Variants in ANK2 observed in about 807,000 individuals in gnomAD.
ANK2 encodes the protein ankyrin-2.
A neutral mutation model predicts 360.5 loss-of-function variants in ANK2; 83 were observed. That is an observed-to-expected ratio of 0.23 (90% CI 0.19 to 0.28). The LOEUF (loss-of-function observed/expected upper bound fraction) is 0.28, where lower values mean the gene tolerates loss of function less well. ANK2 is among the 10% of genes least tolerant of loss of function. The pLI, the probability that ANK2 is intolerant of heterozygous loss-of-function variation, is 1.00. For synonymous variants in ANK2, 1,740 were observed against 1,759.5 expected, an observed-to-expected ratio of 0.99 and a Z score of 0.28; for missense variants, 4,201 against 4,795.7, an observed-to-expected ratio of 0.88 and a Z score of 3.66.
chr4:113,063,114 A>G (rs967928076), intron 1 of ANK2, among the ~76,000 whole-genome samples: 3 of 152,110 alleles, frequency 2.0e-5, no homozygotes, highest in African/African-American at 7.2e-5. Context: ...AAAGATATCC[A>G]GTAGAATATA....
intron 1 of ANK2, among the ~76,000 whole-genome samples, chr4:113,144,563 T>C (rs2096758127): frequency 6.6e-6 from 1 of 151,820 alleles, no homozygotes; most frequent in South Asian, 2.1e-4. Flanking sequence ...TCCAATTCAA[T>C]ACTTTTTTTA....
the ANK2 span, among the ~76,000 whole-genome samples, chr4:112,715,001 A>T: frequency 3.9e-5 from 6 of 152,332 alleles, no homozygotes; most frequent in Admixed American, 3.9e-4. Context: ...TGTTTTGCTC[A>T]TTAATCTGCA....
chr4:112,720,981 A>C, the ANK2 span, among the ~76,000 whole-genome samples: 1 of 152,128 alleles, frequency 6.6e-6, no homozygotes, highest in African/African-American at 2.4e-5. Context: ...ATTTAGGAAA[A>C]TCCTCCACTC....
intron 2 of ANK2, among the ~76,000 whole-genome samples, chr4:113,191,359 A>G (rs1004963637): frequency 6.6e-6 from 1 of 152,178 alleles, no homozygotes; most frequent in Non-Finnish European, 1.5e-5. Flanking sequence ...AAATTAAATG[A>G]ATAAATAAAT....
At chr4:113,121,246 CACA>C (rs2095332123) in intron 1 of ANK2, among the ~76,000 whole-genome samples, 1 of 152,116 alleles carries the variant, frequency 6.6e-6, no homozygotes, top group African/African-American at 2.4e-5. Context: ...TGCTTAATCA[CACA>C]CAAGTAGCAT....
intron 1 of ANK2, chr4:113,160,340 A>G (rs1385123537): frequency 2.4e-6 from 1 of 418,982 alleles, no homozygotes; most frequent in Non-Finnish European, 4.7e-6. Context: ...TGCTAGGATT[A>G]CAGGCATGAG....
intron 41 of ANK2, 150 bp downstream of exon 41, chr4:113,365,332 C>T: frequency 1.2e-6 from 1 of 843,054 alleles, no homozygotes. Context: ...CTTTTCCTTG[C>T]TACCCTGAGG....
At chr4:112,925,470 A>G (rs2092410684) in intron 2 of ANK2, among the ~76,000 whole-genome samples, 1 of 152,200 alleles carries the variant, frequency 6.6e-6, no homozygotes. Flanking sequence ...TATCTGCATA[A>G]CGTAGATCCT....
At chr4:112,849,173 A>G (rs558433899) in intron 1 of ANK2, among the ~76,000 whole-genome samples, 24 of 152,348 alleles carry the variant, frequency 1.6e-4, no homozygotes, top group African/African-American at 5.8e-4. Flanking sequence ...TTCAGAGTTG[A>G]CAACATAATC....
At chr4:113,351,698 A>G (rs34846498) in intron 37 of ANK2, among the ~76,000 whole-genome samples, 11,462 of 151,912 alleles carry the variant, frequency 0.075, 610 homozygotes, top group Middle Eastern at 0.17. Flanking sequence ...AAATTAATTC[A>G]TCCATATGGC....
intron 2 of ANK2, among the ~76,000 whole-genome samples, chr4:112,936,180 A>G (rs1381452091): frequency 6.6e-6 from 1 of 152,212 alleles, no homozygotes; most frequent in African/African-American, 2.4e-5. Flanking sequence ...ATGTTAATTG[A>G]AAGTTTGTAA....
intron 1 of ANK2, among the ~76,000 whole-genome samples, chr4:113,126,354 A>G (rs2095658759): frequency 6.6e-6 from 1 of 152,212 alleles, no homozygotes; most frequent in Non-Finnish European, 1.5e-5. Flanking sequence ...TAGTGAAAAT[A>G]AATCTCCTGA....
At chr4:113,126,795 A>G (rs2095688678) in intron 1 of ANK2, among the ~76,000 whole-genome samples, 1 of 152,228 alleles carries the variant, frequency 6.6e-6, no homozygotes, top group African/African-American at 2.4e-5. Flanking sequence ...AACACAAGGG[A>G]CAATATTTTA....
chr4:112,792,910 A>G, the ANK2 span, among the ~76,000 whole-genome samples: 1 of 152,188 alleles, frequency 6.6e-6, no homozygotes, highest in Non-Finnish European at 1.5e-5. Flanking sequence ...AAGCTGAAAC[A>G]TGCTTATTAT....
At position 113,231,764 on chromosome 4, in the gene ANK2, C is replaced by T. The variant is rs112321081; in HGVS notation, c.385-397C>T. ...GATTACAGGCATGCGCCACCACGCC[C>T]GGCTAATTTTTGTATTTTTAGTAGA... On this transcript the variant is annotated intron_variant, in intron 4 of 45. Coordinates refer to ENST00000357077, the MANE Select transcript of ANK2 (RefSeq NM_001148.6). Among the ~76,000 whole-genome samples, 998 of 151,940 alleles carry T rather than the reference C, an allele frequency of 6.6e-3. 10 individuals carry two copies. The highest frequency in any genetic ancestry group is 0.023 in the African/African-American group (952 of 41,442).
At chr4:112,771,590 C>CTT in the ANK2 span, among the ~76,000 whole-genome samples, 1,971 of 147,308 alleles carry the variant, frequency 0.013, 11 homozygotes, top group Non-Finnish European at 0.02. Flanking sequence ...GCTGGGGAAA[C>CTT]TTTTTTTTTT....
chr4:113,110,161 G>C (rs1433949085), intron 1 of ANK2, among the ~76,000 whole-genome samples: 1 of 152,180 alleles, frequency 6.6e-6, no homozygotes, highest in Non-Finnish European at 1.5e-5. Context: ...AATCATGGTG[G>C]AAGGCGAAGG....
chr4:113,163,776 AAAAAAAAAAAAAAAAAG>A (rs1292301809), intron 1 of ANK2, among the ~76,000 whole-genome samples: 1,476 of 127,634 alleles, frequency 0.012, 27 homozygotes, highest in African/African-American at 0.038. Context: ...AAAAAAAAAA[AAAAAAAAAAAAAAAAAG>A]AAAACCCAGC....
In ANK2 at chr4:113,151,901, CAAAAAA is replaced by C. The variant is rs34604677; in HGVS notation, c.85-22503_85-22498del. ...GAAACATAGTGAAACCCCATCTCTA[CAAAAAA>C]AAAAAAAAAAATTACTAGGTGTGCT... On this transcript the variant is annotated intron_variant, in intron 1 of 45. Transcript: ENST00000357077. Among the ~76,000 whole-genome samples the C allele has an allele frequency of 1.1e-4, 12 of 108,316 alleles. No homozygotes were observed. In the East Asian group the frequency reaches 1.2e-3, roughly 11 times the overall value. 71.1% of individuals were successfully genotyped at this position (108,316 alleles called of 152,430 possible).
Sources: allele counts gnomAD v4.1 joint callset (sites outside exome capture counted in the v4.1 genomes callset), GRCh38; gene constraint gnomAD v4.1.1; transcripts MANE v1.5; gene names NCBI Gene and HGNC (gene_info 2026-07-23, HGNC 2026-07-21).